Variants in PDE4D observed in about 807,000 individuals in gnomAD.
PDE4D encodes 3',5'-cyclic-AMP phosphodiesterase 4D.
In PDE4D, 24 loss-of-function variants were observed where a neutral mutation model predicts 87.4. The ratio of observed to expected loss-of-function variants is 0.27; its 90% CI spans 0.20 to 0.39. The LOEUF (loss-of-function observed/expected upper bound fraction) is 0.39. Ranked by LOEUF, PDE4D falls within the 10% of genes least tolerant of loss-of-function variation. PDE4D has a pLI of 1.00. For missense variants in PDE4D, 714 were observed against 1,041.0 expected (o/e 0.69, Z 4.32); for synonymous variants, 384 against 383.2 (o/e 1.00, Z -0.02).
At chr5:59,263,902 G>A (rs971430204) in intron 1 of PDE4D, among the ~76,000 whole-genome samples, 1 of 151,890 alleles carries the variant, frequency 6.6e-6, no homozygotes, top group African/African-American at 2.4e-5. Context: ...GGTGATTACA[G>A]GGGTGACCTT....
At chr5:60,115,875 A>C (rs1778129917) in intron 2 of PDE4D, among the ~76,000 whole-genome samples, 1 of 152,122 alleles carries the variant, frequency 6.6e-6, no homozygotes, top group Non-Finnish European at 1.5e-5. Context: ...CTGATTCAGT[A>C]ACTGAATCAC....
At chr5:59,750,084 CTT>C (rs35243469) in intron 1 of PDE4D, among the ~76,000 whole-genome samples, 30,577 of 131,290 alleles carry the variant, frequency 0.23, 3,952 homozygotes, top group Middle Eastern at 0.34. Flanking sequence ...GAATTATGAC[CTT>C]TTTTTTTTTT....
chr5:60,391,527 T>A (rs536891522), intron 1 of PDE4D, among the ~76,000 whole-genome samples: 14 of 152,304 alleles, frequency 9.2e-5, no homozygotes, highest in Non-Finnish European at 1.6e-4. Context: ...CTAGAGATCA[T>A]CCACATTCTG....
At chr5:60,482,433 G>A (rs963177334) in intron 1 of PDE4D, among the ~76,000 whole-genome samples, 5 of 152,232 alleles carry the variant, frequency 3.3e-5, no homozygotes, top group African/African-American at 1.2e-4. Context: ...ACACAAATAG[G>A]ACTATAGCCC....
intron 1 of PDE4D, among the ~76,000 whole-genome samples, chr5:59,815,865 C>A (rs1213842853): frequency 6.6e-6 from 1 of 152,194 alleles, no homozygotes; most frequent in East Asian, 1.9e-4. Flanking sequence ...TATCCTCAGC[C>A]CTGTCCTGAT....
intron 1 of PDE4D, among the ~76,000 whole-genome samples, chr5:59,672,460 GATA>G (rs1747375710): frequency 6.6e-6 from 1 of 152,160 alleles, no homozygotes; most frequent in Non-Finnish European, 1.5e-5. Context: ...TCTGAAATGT[GATA>G]ATAACCTGAT....
intron 1 of PDE4D, among the ~76,000 whole-genome samples, chr5:60,370,888 A>T (rs1760973048): frequency 1.3e-5 from 2 of 152,142 alleles, no homozygotes; most frequent in African/African-American, 4.8e-5. Context: ...TAGTAAATAC[A>T]CAAAATGAGT....
intron 1 of PDE4D, among the ~76,000 whole-genome samples, chr5:59,672,464 A>G (rs919945062): frequency 6.6e-6 from 1 of 152,252 alleles, no homozygotes; most frequent in Admixed American, 6.5e-5. Flanking sequence ...AAATGTGATA[A>G]TAACCTGATA....
At chr5:60,488,402 G>A (rs1232839878), upstream of PDE4D, 1 of 151,834 alleles carries the variant, frequency 6.6e-6, no homozygotes, top group East Asian at 1.9e-4. Context: ...CCAAAGGGCA[G>A]GCACGGCAGC....
chr5:59,916,661 T>C (rs774276347), intron 3 of PDE4D, among the ~76,000 whole-genome samples: 1 of 152,224 alleles, frequency 6.6e-6, no homozygotes, highest in Non-Finnish European at 1.5e-5. Context: ...TTGTTAACAC[T>C]GATATGTTTG....
chr5:59,889,912 T>C (rs1750709067), intron 1 of PDE4D, among the ~76,000 whole-genome samples: 1 of 152,194 alleles, frequency 6.6e-6, no homozygotes, highest in Non-Finnish European at 1.5e-5. Flanking sequence ...ACACTTTATA[T>C]AAAAAATTTA....
chr5:59,446,080 A>G (rs904520140), intron 1 of PDE4D, among the ~76,000 whole-genome samples: 3 of 152,158 alleles, frequency 2.0e-5, no homozygotes, highest in Admixed American at 1.3e-4. Context: ...GTAATGTGAA[A>G]ATGTTTTAAT....
At chr5:59,522,669 G>C (rs1257191012) in intron 1 of PDE4D, among the ~76,000 whole-genome samples, 1 of 152,202 alleles carries the variant, frequency 6.6e-6, no homozygotes, top group Non-Finnish European at 1.5e-5. Context: ...AAAGAATCTT[G>C]AGGAGTAAAA....
intron 2 of PDE4D, among the ~76,000 whole-genome samples, chr5:60,108,981 A>C (rs1309411037): frequency 7.9e-5 from 12 of 152,366 alleles, no homozygotes; most frequent in African/African-American, 2.6e-4. Flanking sequence ...CATCAAAAGC[A>C]ATGGCAACCA....
intron 1 of PDE4D, among the ~76,000 whole-genome samples, chr5:59,819,910 G>A (rs1287400922): frequency 2.6e-5 from 4 of 152,244 alleles, no homozygotes; most frequent in Non-Finnish European, 4.4e-5. Flanking sequence ...CAACAGAGGC[G>A]TTTTGAAAAG....
chr5:59,015,240 A>C (rs189095803), intron 6 of PDE4D, among the ~76,000 whole-genome samples: 89 of 152,126 alleles, frequency 5.9e-4, no homozygotes, highest in African/African-American at 2.0e-3. Flanking sequence ...GAAACACCAA[A>C]AGCAATGGCA....
At chr5:59,179,688 A>T (rs1415717902) in intron 5 of PDE4D, 2 of 457,266 alleles carry the variant, frequency 4.4e-6, no homozygotes, top group African/African-American at 4.0e-5. Context: ...TAATAACTTA[A>T]TAAGAGCTCC....
intron 1 of PDE4D, among the ~76,000 whole-genome samples, chr5:60,298,648 TCTA>T (rs1406767241): frequency 3.3e-5 from 5 of 152,226 alleles, no homozygotes; most frequent in African/African-American, 9.6e-5. Context: ...CATTTTTTTC[TCTA>T]CTAAGAACGA....
chr5:59,762,529 TACACATGTGTATATGTGTATATGGGTAC>T (rs1373598651), intron 1 of PDE4D, among the ~76,000 whole-genome samples: 1,446 of 108,568 alleles, frequency 0.013, 78 homozygotes, highest in Middle Eastern at 0.031. Context: ...TGTATATGGG[TACACATGTGTATATGTGTATATGGGTAC>T]ACATATGTGT....
Sources: allele counts gnomAD v4.1 joint callset (sites outside exome capture counted in the v4.1 genomes callset), GRCh38; gene constraint gnomAD v4.1.1; transcripts MANE v1.5; gene names NCBI Gene and HGNC (gene_info 2026-07-23, HGNC 2026-07-21).